Variants in EEFSEC observed in about 807,000 individuals in gnomAD.
The protein encoded by EEFSEC is eukaryotic elongation factor, selenocysteine-tRNA specific.
Under a neutral mutation model 42.1 loss-of-function variants are expected in EEFSEC, and 43 were observed. The observed-to-expected ratio is 1.02, with a 90% confidence interval of 0.80 to 1.32. The LOEUF (loss-of-function observed/expected upper bound fraction) is 1.32, where lower values mean the gene tolerates loss of function less well. EEFSEC is among the 40% of genes most tolerant of loss of function. The pLI is 0.00. For missense variants in EEFSEC, 745 were observed against 803.6 expected (o/e 0.93, Z 0.88); for synonymous variants, 354 against 339.1 (o/e 1.04, Z -0.48).
chr3:128,229,230 C>T lies in EEFSEC; in HGVS notation c.317-17606C>T, dbSNP rs369804170. ...GGCTATGATACTAGGTGTGGGGCCT[C>T]GGTCCAGAGTGTTGGGGAGCGAGTG... On this transcript the variant is annotated intron_variant, in intron 1 of 6. Transcript: ENST00000254730. 1.7e-4 allele frequency among the ~76,000 whole-genome samples: 26 copies of T among 152,344 alleles called. No homozygotes were observed. The South Asian group carries it at 2.3e-3, about 13-fold the overall frequency.
rs1167533221 is a variant in EEFSEC at position 128,320,717 on chromosome 3, A to G, written c.787-20516A>G. Among the ~76,000 whole-genome samples, 4 of 152,250 alleles carry G rather than the reference A, an allele frequency of 2.6e-5. No homozygotes were observed. The East Asian group carries it at 7.7e-4, about 29-fold the overall frequency. On this transcript the variant is annotated intron_variant, in intron 4 of 6. Transcript: ENST00000254730. Reference sequence around the variant, plus strand: ...GATGCAAAGATGAATTAGAGTGACCATTCTCTCGAGGAGGTCCCTGTAGGA... The same window carrying G: ...GATGCAAAGATGAATTAGAGTGACCGTTCTCTCGAGGAGGTCCCTGTAGGA...
chr3:128,233,329 T>C (rs552424296), intron 1 of EEFSEC, among the ~76,000 whole-genome samples: 6 of 152,366 alleles, frequency 3.9e-5, no homozygotes, highest in African/African-American at 1.4e-4. Context: ...CATTTGAATT[T>C]TAAAAAATGA....
At chr3:128,177,559 C>A (rs990426139) in intron 1 of EEFSEC, among the ~76,000 whole-genome samples, 1 of 152,202 alleles carries the variant, frequency 6.6e-6, no homozygotes, top group South Asian at 2.1e-4. Context: ...TTCGTTTCCC[C>A]AGATTTGTAG....
At chr3:128,163,644 T>A (rs895492208) in intron 1 of EEFSEC, among the ~76,000 whole-genome samples, 1 of 151,792 alleles carries the variant, frequency 6.6e-6, no homozygotes, top group Admixed American at 6.6e-5. Flanking sequence ...ACAATCTCAG[T>A]TTAGACCATT....
At chr3:128,321,415 G>C (rs1332021965) in intron 4 of EEFSEC, among the ~76,000 whole-genome samples, 6 of 152,178 alleles carry the variant, frequency 3.9e-5, no homozygotes, top group South Asian at 2.1e-4. Flanking sequence ...TGGGTGGAGA[G>C]GGGGAAGGAC....
At chr3:128,401,037 C>T (rs2068042919) in intron 6 of EEFSEC, among the ~76,000 whole-genome samples, 2 of 152,096 alleles carry the variant, frequency 1.3e-5, no homozygotes, top group Non-Finnish European at 2.9e-5. Flanking sequence ...CCATAGGCTC[C>T]GAGAATCCTG....
intron 4 of EEFSEC, among the ~76,000 whole-genome samples, chr3:128,325,628 C>G (rs917209112): frequency 6.6e-6 from 1 of 152,060 alleles, no homozygotes; most frequent in Non-Finnish European, 1.5e-5. Flanking sequence ...TTAGGTATTT[C>G]TTTTTGAACC....
At chr3:128,194,866 A>G (rs2065565557) in intron 1 of EEFSEC, among the ~76,000 whole-genome samples, 1 of 152,270 alleles carries the variant, frequency 6.6e-6, no homozygotes. Flanking sequence ...GCTAAGATCT[A>G]GGTGACTTTT....
chr3:128,355,137 T>A (rs2811411), intron 5 of EEFSEC, among the ~76,000 whole-genome samples: 1 of 152,200 alleles, frequency 6.6e-6, no homozygotes, highest in Admixed American at 6.5e-5. Context: ...AGTGAGCGCC[T>A]GTTCACCAGG....
intron 4 of EEFSEC, among the ~76,000 whole-genome samples, chr3:128,316,745 C>T (rs1171300359): frequency 2.0e-5 from 3 of 152,164 alleles, no homozygotes; most frequent in Non-Finnish European, 2.9e-5. Context: ...AGCTCGGTGC[C>T]GCCAGCACCG....
intron 1 of EEFSEC, among the ~76,000 whole-genome samples, chr3:128,197,925 C>T (rs556718320): frequency 5.3e-5 from 8 of 152,304 alleles, no homozygotes; most frequent in Middle Eastern, 3.4e-3. Flanking sequence ...AGACCCGACT[C>T]GTGTTTTCAG....
chr3:128,325,620 A>G (rs992935038), intron 4 of EEFSEC, among the ~76,000 whole-genome samples: 5 of 152,096 alleles, frequency 3.3e-5, no homozygotes, highest in Non-Finnish European at 5.9e-5. Flanking sequence ...CTTTTAGTTT[A>G]GGTATTTCTT....
At chr3:128,162,898 A>G (rs1205816640) in intron 1 of EEFSEC, among the ~76,000 whole-genome samples, 1 of 152,158 alleles carries the variant, frequency 6.6e-6, no homozygotes, top group Non-Finnish European at 1.5e-5. Flanking sequence ...ATTTAAAATT[A>G]ATTGCTTTTA....
chr3:128,187,949 AC>A (rs2065481444), intron 1 of EEFSEC, among the ~76,000 whole-genome samples: 1 of 152,248 alleles, frequency 6.6e-6, no homozygotes, highest in Non-Finnish European at 1.5e-5. Flanking sequence ...GTGATTGGTC[AC>A]AAGTGTAAGC....
chr3:128,353,235 A>C (rs2067410300), intron 5 of EEFSEC, among the ~76,000 whole-genome samples: 1 of 152,234 alleles, frequency 6.6e-6, no homozygotes, highest in Non-Finnish European at 1.5e-5. Context: ...CCAAGTAAAG[A>C]CTTTACTGGA....
intron 6 of EEFSEC, among the ~76,000 whole-genome samples, chr3:128,373,624 T>G (rs757471092): frequency 6.6e-6 from 1 of 152,266 alleles, no homozygotes; most frequent in Non-Finnish European, 1.5e-5. Flanking sequence ...GCTCGAAGGT[T>G]GGGATCACCA....
At chr3:128,247,065 A>G (rs2066136271) in intron 2 of EEFSEC, 22 bp downstream of exon 2, 1 of 1,611,798 alleles carries the variant, frequency 6.2e-7, no homozygotes, top group Non-Finnish European at 8.5e-7. Flanking sequence ...AATGAGAGCA[A>G]TGTTCACTGC....
intron 3 of EEFSEC, among the ~76,000 whole-genome samples, chr3:128,263,813 G>A (rs1016128194): frequency 1.3e-5 from 2 of 152,220 alleles, no homozygotes; most frequent in African/African-American, 4.8e-5. Flanking sequence ...GCACACAGGT[G>A]GCATGAGGAG....
intron 5 of EEFSEC, among the ~76,000 whole-genome samples, chr3:128,348,434 ATTACT>A (rs1407690019): frequency 6.6e-6 from 1 of 152,078 alleles, no homozygotes; most frequent in Non-Finnish European, 1.5e-5. Context: ...CAATCTTTTG[ATTACT>A]TTGCAGAGAA....
Sources: gnomAD v4.1 joint callset for allele counts (sites outside exome capture counted in the v4.1 genomes callset) on GRCh38, gnomAD v4.1.1 for gene constraint, MANE v1.5 for transcripts, NCBI Gene and HGNC (gene_info 2026-07-23, HGNC 2026-07-21) for gene names.